Variants in TMEM229B observed in about 807,000 individuals in gnomAD.
The protein encoded by TMEM229B is transmembrane protein 229B.
Under a neutral mutation model 13.7 loss-of-function variants are expected in TMEM229B, and 6 were observed. The ratio of observed to expected loss-of-function variants is 0.44; its 90% CI spans 0.24 to 0.86. The LOEUF is 0.86. TMEM229B is among the 40% of genes least tolerant of loss of function. The probability of loss-of-function intolerance (pLI) is 0.23; values close to 1 mark genes in which losing one functional copy is unlikely to be tolerated. For missense variants in TMEM229B, 170 were observed against 236.0 expected (o/e 0.72, Z 1.83); for synonymous variants, 107 against 102.1 (o/e 1.05, Z -0.29).
At chr14:67,476,076 G>A (rs1471662647) in intron 2 of TMEM229B, among the ~76,000 whole-genome samples, 1 of 152,222 alleles carries the variant, frequency 6.6e-6, no homozygotes, top group Non-Finnish European at 1.5e-5. Context: ...AGCTCTGCCA[G>A]CTGCTAATGG....
intron 2 of TMEM229B, among the ~76,000 whole-genome samples, chr14:67,481,695 C>T (rs1049733719): frequency 2.6e-5 from 4 of 152,296 alleles, no homozygotes; most frequent in South Asian, 2.1e-4. Flanking sequence ...AGGACAGGCT[C>T]GCCCACCCCA....
chr14:67,517,268 G>T (rs761673406), upstream of TMEM229B, among the ~76,000 whole-genome samples: 1 of 152,198 alleles, frequency 6.6e-6, no homozygotes, highest in Admixed American at 6.5e-5. Context: ...GTGGCCGGCG[G>T]CTGGCAGCTG....
chr14:67,483,688 G>T (rs1444063583), intron 2 of TMEM229B, among the ~76,000 whole-genome samples: 1 of 152,170 alleles, frequency 6.6e-6, no homozygotes, highest in Non-Finnish European at 1.5e-5. Context: ...CCATTCAAAG[G>T]CCCCTCACCA....
chr14:67,515,135 G>T (rs1390117707), exon 1 of TMEM229B: 1 of 152,488 alleles, frequency 6.6e-6, no homozygotes, highest in Non-Finnish European at 1.5e-5. Flanking sequence ...CCGGCCGCCT[G>T]CCAGGCGCAG....
At chr14:67,531,527 C>T (rs1339471279) in intron 1 of TMEM229B, among the ~76,000 whole-genome samples, 2 of 151,946 alleles carry the variant, frequency 1.3e-5, no homozygotes, top group Non-Finnish European at 2.9e-5. Flanking sequence ...CTCTTCTGCC[C>T]TCTACAGAAG....
chr14:67,512,888 C>T (rs150715273), intron 1 of TMEM229B, among the ~76,000 whole-genome samples: 1 of 152,326 alleles, frequency 6.6e-6, no homozygotes, highest in East Asian at 1.9e-4. Flanking sequence ...AAAAACTACA[C>T]TTTTAAAACC....
intron 2 of TMEM229B, among the ~76,000 whole-genome samples, chr14:67,474,589 T>C (rs554162107): frequency 1.1e-4 from 17 of 152,358 alleles, no homozygotes; most frequent in Middle Eastern, 6.8e-3. Context: ...TTTTTAACCA[T>C]GTGTAAGTGT....
At chr14:67,475,530 T>A (rs2031132178) in intron 2 of TMEM229B, among the ~76,000 whole-genome samples, 1 of 152,212 alleles carries the variant, frequency 6.6e-6, no homozygotes, top group Non-Finnish European at 1.5e-5. Flanking sequence ...GGTTCCAATT[T>A]CTCCACATCC....
Position 67,533,001 on chromosome 14 carries a change from C to T in TMEM229B, c.-192+635G>A, listed in dbSNP as rs185734323. 4.4e-3 allele frequency among the ~76,000 whole-genome samples: 677 copies of T among 152,284 alleles called. 4 individuals carry two copies. The highest frequency in any genetic ancestry group is 0.016 in the African/African-American group (652 of 41,578). On this transcript the variant is annotated intron_variant, in intron 1 of 2. Coordinates refer to the TMEM229B transcript ENST00000554278. Reference sequence around the variant, plus strand: ...GCCGGCGCCCGGGACACCCCGCCGCCCTCCCTGCCGCCCCAGGGACGAGCC... The same window carrying T: ...GCCGGCGCCCGGGACACCCCGCCGCTCTCCCTGCCGCCCCAGGGACGAGCC...
At chr14:67,527,346 T>C (rs1202727396) in intron 1 of TMEM229B, among the ~76,000 whole-genome samples, 1 of 152,168 alleles carries the variant, frequency 6.6e-6, no homozygotes, top group African/African-American at 2.4e-5. Context: ...ATTAAGATGA[T>C]TCCTCTGTTT....
chr14:67,528,051 A>C (rs1727981585), intron 1 of TMEM229B, among the ~76,000 whole-genome samples: 1 of 152,190 alleles, frequency 6.6e-6, no homozygotes, highest in South Asian at 2.1e-4. Flanking sequence ...ATGTATGAAC[A>C]CAGGACCTCT....
chr14:67,516,489 C>A (rs528162427), upstream of TMEM229B, among the ~76,000 whole-genome samples: 106 of 152,160 alleles, frequency 7.0e-4, no homozygotes, highest in Non-Finnish European at 1.4e-3. Context: ...TCTCAGAAGT[C>A]CAAGGCAGCA....
At chr14:67,508,135 C>CAAAAAAAAAAAAAAAA (rs34715322) in intron 1 of TMEM229B, among the ~76,000 whole-genome samples, 1 of 130,630 alleles carries the variant, frequency 7.7e-6, no homozygotes, top group African/African-American at 3.0e-5. Flanking sequence ...AACTCCATCT[C>CAAAAAAAAAAAAAAAA]AAAAAAAAAA....
exon 1 of TMEM229B, chr14:67,515,407 CCGG>C (rs552146261): frequency 2.3e-3 from 411 of 176,478 alleles, no homozygotes; most frequent in South Asian, 4.1e-3. Context: ...AAAGGAGCCC[CCGG>C]CGGCGGCGGC....
At chr14:67,484,704 G>C (rs1021977051) in intron 2 of TMEM229B, among the ~76,000 whole-genome samples, 11 of 152,102 alleles carry the variant, frequency 7.2e-5, no homozygotes, top group African/African-American at 1.9e-4. Flanking sequence ...CGGGAGGACT[G>C]CTTGAGCCCA....
intron 1 of TMEM229B, among the ~76,000 whole-genome samples, chr14:67,524,053 C>G (rs560731234): frequency 1.3e-5 from 2 of 152,010 alleles, no homozygotes; most frequent in Admixed American, 6.6e-5. Context: ...AGGAACTGGC[C>G]GCTCAGAGAC....
chr14:67,476,548 C>T (rs2031211911), intron 2 of TMEM229B, among the ~76,000 whole-genome samples: 1 of 152,072 alleles, frequency 6.6e-6, no homozygotes, highest in Admixed American at 6.5e-5. Flanking sequence ...GATCATGCCA[C>T]TGCACTCCAG....
intron 1 of TMEM229B, among the ~76,000 whole-genome samples, chr14:67,501,927 T>A (rs906083764): frequency 1.3e-5 from 2 of 152,236 alleles, no homozygotes; most frequent in Non-Finnish European, 2.9e-5. Context: ...CAAGTCAGAT[T>A]CTTCTGTCAC....
chr14:67,481,317 G>A (rs188042593), intron 2 of TMEM229B, among the ~76,000 whole-genome samples: 4 of 152,296 alleles, frequency 2.6e-5, no homozygotes, highest in Middle Eastern at 3.4e-3. Context: ...ACAAAAAAGC[G>A]AGATGGGGGA....
Sources: gnomAD v4.1 joint callset for allele counts (sites outside exome capture counted in the v4.1 genomes callset) on GRCh38, gnomAD v4.1.1 for gene constraint, MANE v1.5 for transcripts, NCBI Gene and HGNC (gene_info 2026-07-23, HGNC 2026-07-21) for gene names.